Variants in ABCA1 observed in about 807,000 individuals in gnomAD.
The protein encoded by ABCA1 is ATP binding cassette subfamily A member 1.
In ABCA1, 133 loss-of-function variants were observed where a neutral mutation model predicts 262.5. That is an observed-to-expected ratio of 0.51 (90% CI 0.44 to 0.59). The LOEUF is 0.59. ABCA1 is among the 20% of genes least tolerant of loss of function. ABCA1 has a pLI of 0.00. For missense variants in ABCA1, 2,452 were observed against 2,777.5 expected (o/e 0.88, Z 2.63); for synonymous variants, 1,022 against 1,043.5 (o/e 0.98, Z 0.40).
intron 7 of ABCA1, among the ~76,000 whole-genome samples, chr9:104,851,433 G>A (rs1268650600): frequency 3.3e-5 from 5 of 152,058 alleles, no homozygotes; most frequent in African/African-American, 1.2e-4. Flanking sequence ...AGCTATATCT[G>A]CTCCATGCTG....
chr9:104,814,022 C>T (rs1831507819), intron 27 of ABCA1, 96 bp downstream of exon 27: 1 of 1,273,082 alleles, frequency 7.9e-7, no homozygotes, highest in Admixed American at 1.8e-5. Flanking sequence ...GGATCTATCA[C>T]CTTGGCTAAA....
chr9:104,855,154 C>T (rs1835729849), intron 7 of ABCA1: 4 of 985,222 alleles, frequency 4.1e-6, no homozygotes, highest in Non-Finnish European at 4.8e-6. Flanking sequence ...GACCACTTCG[C>T]TTGGTATGAG....
At chr9:104,822,696 C>T in intron 18 of ABCA1, 29 bp from the exon 19 acceptor site, 1 of 1,612,852 alleles carries the variant, frequency 6.2e-7, no homozygotes, top group Non-Finnish European at 8.5e-7. Flanking sequence ...CAGAAATGAA[C>T]CCACAGAAAG....
At chr9:104,858,489 C>T (rs778056171) in intron 7 of ABCA1, 33 bp downstream of exon 7, 49 of 1,609,424 alleles carry the variant, frequency 3.0e-5, no homozygotes, top group Non-Finnish European at 3.9e-5. Flanking sequence ...AGCATTAGTG[C>T]TTGAAGTTTC....
chr9:104,909,775 GGAGAGAT>G (rs1043071047), intron 1 of ABCA1, among the ~76,000 whole-genome samples: 1 of 152,102 alleles, frequency 6.6e-6, no homozygotes, highest in Non-Finnish European at 1.5e-5. Flanking sequence ...CACATTTCCA[GGAGAGAT>G]GAGAGATGAG....
chr9:104,870,959 A>G (rs986506677), intron 5 of ABCA1, among the ~76,000 whole-genome samples: 1 of 151,848 alleles, frequency 6.6e-6, no homozygotes, highest in African/African-American at 2.4e-5. Flanking sequence ...ACAAATCACA[A>G]TGGTGGAACG....
intron 46 of ABCA1, 65 bp downstream of exon 46, chr9:104,787,855 C>T: frequency 6.2e-7 from 1 of 1,613,762 alleles, no homozygotes; most frequent in Non-Finnish European, 8.5e-7. Flanking sequence ...ACATATAGGA[C>T]TTTTGAACAG....
At chr9:104,819,794 G>T in intron 21 of ABCA1, 71 bp from the exon 22 acceptor site, 2 of 1,612,508 alleles carry the variant, frequency 1.2e-6, no homozygotes, top group Non-Finnish European at 1.7e-6. Flanking sequence ...AGGACCTAGG[G>T]GCACAGCCAG....
At chr9:104,789,653 G>A (rs1829236476) in intron 44 of ABCA1, among the ~76,000 whole-genome samples, 1 of 152,210 alleles carries the variant, frequency 6.6e-6, no homozygotes, top group African/African-American at 2.4e-5. Flanking sequence ...ATTAGTAACA[G>A]TAGGTACTGC....
chr9:104,804,722 T>C lies in ABCA1; in HGVS notation c.4465-2A>G. The C allele has an allele frequency of 6.2e-7, 1 of 1,612,364 alleles. No individual in the cohort carries two copies. The highest frequency in any genetic ancestry group is 8.5e-7 in the Non-Finnish European group (1 of 1,178,352). On this transcript the variant is annotated splice_acceptor_variant, in intron 31 of 49. Coordinates refer to ENST00000374736, the MANE Select transcript of ABCA1 (RefSeq NM_005502.4). LOFTEE classifies it high-confidence loss of function. ...GATATCTGCAGTGTTTTGTTTTCTCTGTCATCACATGAAAACCAAGCATAC... is the reference window on the plus strand; with the variant it reads ...GATATCTGCAGTGTTTTGTTTTCTCCGTCATCACATGAAAACCAAGCATAC...
chr9:104,815,870 G>A (rs1364771933), intron 25 of ABCA1, among the ~76,000 whole-genome samples: 1 of 152,172 alleles, frequency 6.6e-6, no homozygotes, highest in Non-Finnish European at 1.5e-5. Context: ...TAAGTGCATA[G>A]GAGTTTAAGG....
chr9:104,830,577 C>A (rs1305662040), intron 14 of ABCA1, among the ~76,000 whole-genome samples: 1 of 151,946 alleles, frequency 6.6e-6, no homozygotes, highest in Non-Finnish European at 1.5e-5. Flanking sequence ...GTAGTCCCAG[C>A]TACTGTGGAG....
chr9:104,784,624 AG>A (rs1474019568), intron 49 of ABCA1, among the ~76,000 whole-genome samples, 169 bp from the exon 50 acceptor site: 1 of 152,212 alleles, frequency 6.6e-6, no homozygotes, highest in East Asian at 1.9e-4. Context: ...ACTTGAAAAA[AG>A]CAATAACAAC....
chr9:104,786,524 T>C (rs1469571409), intron 47 of ABCA1, 134 bp from the exon 48 acceptor site: 1 of 813,582 alleles, frequency 1.2e-6, no homozygotes, highest in African/African-American at 1.7e-5. Flanking sequence ...ATAGGGATGA[T>C]GCTGTTCAGT....
chr9:104,872,030 T>C (rs1045094103), intron 5 of ABCA1, among the ~76,000 whole-genome samples: 3 of 152,110 alleles, frequency 2.0e-5, no homozygotes, highest in Non-Finnish European at 4.4e-5. Context: ...ATACACAATG[T>C]ATAAATAGTT....
chr9:104,918,226 TC>T (rs1297770539), intron 1 of ABCA1, among the ~76,000 whole-genome samples: 1 of 152,126 alleles, frequency 6.6e-6, no homozygotes, highest in African/African-American at 2.4e-5. Context: ...GACATGAGAT[TC>T]CAGAACAATG....
chr9:104,849,145 G>C (rs1225072823), intron 7 of ABCA1, among the ~76,000 whole-genome samples: 1 of 152,090 alleles, frequency 6.6e-6, no homozygotes, highest in African/African-American at 2.4e-5. Flanking sequence ...CTTAACTCTG[G>C]AGCAAGCTTA....
intron 49 of ABCA1, 106 bp downstream of exon 49, chr9:104,785,290 C>G: frequency 1.4e-6 from 2 of 1,455,046 alleles, no homozygotes; most frequent in Non-Finnish European, 1.9e-6. Flanking sequence ...ATCAGGAATT[C>G]AAGCACCAAT....
At chr9:104,862,463 T>C (rs1056857422) in intron 5 of ABCA1, among the ~76,000 whole-genome samples, 2 of 140,396 alleles carry the variant, frequency 1.4e-5, no homozygotes, top group African/African-American at 5.6e-5. Context: ...CACTAGTCCG[T>C]TCATTCCTGT....
Sources: gnomAD v4.1 joint callset for allele counts (sites outside exome capture counted in the v4.1 genomes callset) on GRCh38, gnomAD v4.1.1 for gene constraint, MANE v1.5 for transcripts, NCBI Gene and HGNC (gene_info 2026-07-23, HGNC 2026-07-21) for gene names.